The following IFI16 variants were observed in gnomAD, a reference collection of about 807,000 sequenced individuals.
IFI16 encodes gamma-interferon-inducible protein 16.
A neutral mutation model predicts 68.4 loss-of-function variants in IFI16; 49 were observed. The ratio of observed to expected loss-of-function variants is 0.72; its 90% CI spans 0.57 to 0.91. The LOEUF is 0.91. Ranked by LOEUF, IFI16 falls within the 40% of genes least tolerant of loss-of-function variation. The probability of loss-of-function intolerance (pLI) is 0.00; values close to 1 mark genes in which losing one functional copy is unlikely to be tolerated. For missense variants in IFI16, 878 were observed against 942.9 expected, an observed-to-expected ratio of 0.93 and a Z score of 0.90; for synonymous variants, 307 against 315.0, an observed-to-expected ratio of 0.97 and a Z score of 0.27.
At position 159,015,914 on chromosome 1, in the gene IFI16, A is replaced by T. The variant is rs374626639; in HGVS notation, c.308A>T (p.Asp103Val). ...TCAAGAAAGAGGAAGAAGGAAGTGG[A>T]TGCTACTTCACCTGCACCCTCCACA... Reference protein sequence around the residue: ...ALSRKRKKEVDATSPAPSTSS... With the variant: ...ALSRKRKKEVVATSPAPSTSS... Residue 103 changes from aspartate (D) to valine (V), a missense_variant, in exon 3 of 12, where the codon GAT (aspartate) becomes GTT (valine). Around this residue, in one of 4 missense-constraint regions of IFI16, gnomAD observed 443 missense variants for 421.8 expected, o/e 1.05. Transcript: ENST00000295809. 1 of 1,614,114 alleles carries T rather than the reference A, an allele frequency of 6.2e-7. No homozygotes were observed. Among genetic ancestry groups the T allele is most frequent in the Non-Finnish European group, 8.5e-7 (1 of 1,179,980 alleles).
chr1:159,004,192 G>A (rs112166710), upstream of IFI16, among the ~76,000 whole-genome samples: 1,749 of 152,160 alleles, frequency 0.011, 31 homozygotes, highest in African/African-American at 0.04. Context: ...AAAATATTAA[G>A]GATGGATGTG....
At chr1:159,001,705 A>G (rs1652065524), upstream of IFI16, among the ~76,000 whole-genome samples, 1 of 152,150 alleles carries the variant, frequency 6.6e-6, no homozygotes, top group Non-Finnish European at 1.5e-5. Flanking sequence ...CCCTCCTACA[A>G]CCCTATTACG....
chr1:159,014,888 G>T lies in IFI16; in HGVS notation c.208G>T (p.Glu70Ter). The change falls in exon 2 of 12, where the codon GAA becomes TAA. Residue 70 changes from glutamate (E) to a stop codon, truncating the protein, a stop_gained. Coordinates refer to ENST00000295809, the MANE Select transcript of IFI16 (RefSeq NM_001376587.1). LOFTEE classifies it high-confidence loss of function. ...TTTGGGCAAACTAATAAAAATTTTCGAAGATATACCAACGCTTGAAGACCT... is the reference window on the plus strand; with the variant it reads ...TTTGGGCAAACTAATAAAAATTTTCTAAGATATACCAACGCTTGAAGACCT... ...AGLGKLIKIF[E>*]DIPTLEDLAE... The T allele has an allele frequency of 1.2e-6, 2 of 1,613,774 alleles. No individual in the cohort carries two copies. The highest frequency in any genetic ancestry group is 1.7e-6 in the Non-Finnish European group (2 of 1,179,910).
chr1:159,004,715 A>G (rs1199906853), upstream of IFI16, among the ~76,000 whole-genome samples: 1 of 152,180 alleles, frequency 6.6e-6, no homozygotes, highest in Non-Finnish European at 1.5e-5. Context: ...TCCCAAAACC[A>G]GATGTTTAGG....
chr1:159,045,311 A>T lies in IFI16; in HGVS notation c.1344A>T (p.Thr448=). 7.1e-7 allele frequency: 1 copy of T among 1,418,264 alleles called. No homozygotes were observed. Among genetic ancestry groups the T allele is most frequent in the Non-Finnish European group, 9.8e-7 (1 of 1,022,634 alleles). The allele number at this position is 1,418,264 out of a possible 1,614,324, so 87.9% of individuals were successfully genotyped here. A position where few individuals can be genotyped will look rare whatever the true frequency, so the allele number is the denominator to read the frequency against. Residue 448 remains threonine, a synonymous_variant, in exon 8 of 12, where the codon ACA becomes ACT. Coordinates refer to ENST00000295809, the MANE Select transcript of IFI16 (RefSeq NM_001376587.1). ...TTTTCCTTTAGAAAAGTGAAGACAC[A>T]ATCTCCAAAATGAATGACTTCATGA... ...SSFFTKKSED[T]ISKMNDFMRM...
chr1:159,024,210 A>G (rs1204531760), intron 6 of IFI16, among the ~76,000 whole-genome samples: 1 of 152,240 alleles, frequency 6.6e-6, no homozygotes, highest in Non-Finnish European at 1.5e-5. Context: ...TTTTTACAAT[A>G]GACAACCTAG....
At chr1:159,024,304 G>A (rs56248786) in intron 6 of IFI16, among the ~76,000 whole-genome samples, 49,690 of 151,950 alleles carry the variant, frequency 0.33, 11,370 homozygotes, top group African/African-American at 0.65. Context: ...AATAATGCGT[G>A]TTTTAAAAAC....
At chr1:159,030,874 G>GGT (rs1553209151) in intron 6 of IFI16, among the ~76,000 whole-genome samples, 1 of 19,878 alleles carries the variant, frequency 5.0e-5, no homozygotes, top group Non-Finnish European at 2.0e-4. Context: ...TCAGGTGGTG[G>GGT]GTGGGGGGGC....
intron 5 of IFI16, 80 bp downstream of exon 5, chr1:159,018,731 G>GC: frequency 1.0e-6 from 1 of 994,574 alleles, no homozygotes; most frequent in South Asian, 1.6e-5. Context: ...ATGAAGCTTT[G>GC]CCTATAAACT....
At chr1:159,016,405 G>A (rs112947336) in intron 3 of IFI16, 128 bp from the exon 4 acceptor site, 14 of 783,788 alleles carry the variant, frequency 1.8e-5, no homozygotes, top group Admixed American at 1.8e-4. Context: ...GCGAGAGATG[G>A]GCAGCAACCT....
intron 6 of IFI16, among the ~76,000 whole-genome samples, chr1:159,020,924 A>G (rs190389675): frequency 1.3e-5 from 2 of 152,260 alleles, no homozygotes; most frequent in Non-Finnish European, 2.9e-5. Context: ...TTTAGTCCAT[A>G]AAAATACCTA....
At position 159,018,412 on chromosome 1, in the gene IFI16, T is replaced by G; in HGVS notation, c.733T>G (p.Leu245Val). 1 of 1,614,096 alleles carries G rather than the reference T, an allele frequency of 6.2e-7. No homozygotes were observed. The highest frequency in any genetic ancestry group is 8.5e-7 in the Non-Finnish European group (1 of 1,179,940). ...GACACAGTTCTTCCATGTGAAGGTT[T>G]TAAACACCAGCTTGAAGGAGAAATT... Reference protein sequence around the residue: ...TQTQFFHVKVLNTSLKEKFNG... With the variant: ...TQTQFFHVKVVNTSLKEKFNG... The change falls in exon 5 of 12, where the codon TTA (leucine) becomes GTA (valine). Residue 245 changes from leucine (L) to valine (V), a missense_variant. Leu to Val is a conservative substitution (Grantham distance 32). Transcript: ENST00000295809.
At chr1:159,025,378 A>G (rs1009453871) in intron 6 of IFI16, among the ~76,000 whole-genome samples, 1 of 152,224 alleles carries the variant, frequency 6.6e-6, no homozygotes, top group Non-Finnish European at 1.5e-5. Flanking sequence ...GTATAATTTT[A>G]TACTAAATAA....
chr1:159,002,386 GTTATAATTGAAGCA>G (rs1322005461), upstream of IFI16, among the ~76,000 whole-genome samples: 1 of 151,870 alleles, frequency 6.6e-6, no homozygotes, highest in African/African-American at 2.4e-5. Flanking sequence ...ATATAGTAGT[GTTATAATTGAAGCA>G]TTAGCAATTA....
At chr1:159,053,293 AT>A (rs1655472025) in intron 10 of IFI16, 24 of 352,596 alleles carry the variant, frequency 6.8e-5, no homozygotes, top group South Asian at 1.5e-4. Context: ...AAAGTAATCA[AT>A]TTTTTTTCCT....
upstream of IFI16, among the ~76,000 whole-genome samples, chr1:159,009,418 A>C (rs1652405548): frequency 6.6e-6 from 1 of 152,198 alleles, no homozygotes; most frequent in African/African-American, 2.4e-5. Context: ...TTCCCCAACC[A>C]GGAGATGCAG....
chr1:159,052,245 A>C lies in IFI16; in HGVS notation c.2085+147A>C, dbSNP rs916435692. On this transcript the variant is annotated intron_variant, in intron 10 of 11. Coordinates refer to ENST00000295809, the MANE Select transcript of IFI16 (RefSeq NM_001376587.1). ...CCCAGCACTAGAGATAATTGAATAG[A>C]GTTCATTTCAGGATATGGGGTACGT... is the stretch of plus-strand genomic sequence containing the variant. 5.8e-5 allele frequency: 36 copies of C among 619,466 alleles called. No individual in the cohort carries two copies. The African/African-American group carries it at 5.9e-4, about 10-fold the overall frequency. 38.4% of individuals were successfully genotyped at this position (619,466 alleles called of 1,614,324 possible).
rs149081355 is a variant in IFI16, at chr1:159,016,807, A to G, written c.549+107A>G. 717 of 981,844 alleles carry G rather than the reference A, an allele frequency of 7.3e-4. 4 individuals are homozygous for G. The African/African-American group carries it at 9.0e-3, about 12-fold the overall frequency. 60.8% of individuals were successfully genotyped at this position (981,844 alleles called of 1,614,324 possible). On this transcript the variant is annotated intron_variant, in intron 4 of 11. Coordinates refer to ENST00000295809, the MANE Select transcript of IFI16 (RefSeq NM_001376587.1). Reference sequence around the variant, plus strand: ...CATCGATAATTTGCTAGTTAATCCAATGTACATATTGAGAAACCACTACAT... The same window carrying G: ...CATCGATAATTTGCTAGTTAATCCAGTGTACATATTGAGAAACCACTACAT...
At chr1:159,031,289 G>A (rs554869910) in intron 6 of IFI16, among the ~76,000 whole-genome samples, 101 of 152,290 alleles carry the variant, frequency 6.6e-4, no homozygotes, top group African/African-American at 2.2e-3. Flanking sequence ...CAGAGTTCAA[G>A]CCTCCCTGCC....
Sources: gnomAD v4.1 joint callset for allele counts (sites outside exome capture counted in the v4.1 genomes callset) on GRCh38, gnomAD v4.1.1 for gene constraint, gnomAD v4.1.1 regional missense constraint, MANE v1.5 for transcripts, NCBI Gene and HGNC (gene_info 2026-07-23, HGNC 2026-07-21) for gene names.